PLPPR1: variants seen among roughly 807,000 people sequenced by gnomAD.
The protein encoded by PLPPR1 is phospholipid phosphatase-related protein type 1.
A neutral mutation model predicts 33.1 loss-of-function variants in PLPPR1; 10 were observed. The observed-to-expected ratio is 0.30, with a 90% CI of 0.19 to 0.51. The LOEUF is 0.51. Ranked by LOEUF, PLPPR1 falls within the 20% of genes least tolerant of loss-of-function variation. The pLI, the probability that PLPPR1 is intolerant of heterozygous loss-of-function variation, is 0.97. For missense variants in PLPPR1, 304 were observed against 408.1 expected, an observed-to-expected ratio of 0.74 and a Z score of 2.20; for synonymous variants, 151 against 151.0, an observed-to-expected ratio of 1.00 and a Z score of 0.00.
intron 1 of PLPPR1, among the ~76,000 whole-genome samples, chr9:101,134,148 G>A (rs1372400657): frequency 1.3e-5 from 2 of 152,170 alleles, no homozygotes; most frequent in Non-Finnish European, 2.9e-5. Context: ...TTGTTCTACT[G>A]TATAAAGATG....
chr9:101,085,508 AT>A lies in PLPPR1; in HGVS notation c.-46+56407del, dbSNP rs1830665040. Among the ~76,000 whole-genome samples the A allele has an allele frequency of 2.0e-5, 3 of 152,218 alleles. No homozygotes were observed. The South Asian group carries it at 6.2e-4, about 32-fold the overall frequency. ...ACATGGCCAGATGGGGCAATTTATA[AT>A]CATAATCCTAAACATAGAGGCATGA... is the stretch of plus-strand genomic sequence containing the variant. On this transcript the variant is annotated intron_variant, in intron 1 of 7. Transcript: ENST00000374874.
chr9:101,231,103 T>C (rs959395019), intron 2 of PLPPR1, among the ~76,000 whole-genome samples: 1 of 151,966 alleles, frequency 6.6e-6, no homozygotes, highest in Non-Finnish European at 1.5e-5. Context: ...TGTCCAAGCT[T>C]ACACAGCCAT....
chr9:101,173,667 G>C (rs1282448575), intron 1 of PLPPR1, among the ~76,000 whole-genome samples: 1 of 152,078 alleles, frequency 6.6e-6, no homozygotes, highest in Non-Finnish European at 1.5e-5. Flanking sequence ...TTCTTCACCA[G>C]CTCAAAAATT....
intron 4 of PLPPR1, among the ~76,000 whole-genome samples, chr9:101,300,390 G>A (rs987557799): frequency 6.6e-5 from 10 of 152,134 alleles, no homozygotes; most frequent in Admixed American, 5.2e-4. Flanking sequence ...TGTTGCCGAG[G>A]TTGGTCTCGA....
At chr9:101,095,953 G>A (rs941609406) in intron 1 of PLPPR1, among the ~76,000 whole-genome samples, 5 of 152,268 alleles carry the variant, frequency 3.3e-5, no homozygotes, top group African/African-American at 1.2e-4. Context: ...AAGCTTCCCT[G>A]AAATGAATGA....
intron 2 of PLPPR1, among the ~76,000 whole-genome samples, chr9:101,208,059 G>A (rs1343256039): frequency 6.6e-6 from 1 of 152,152 alleles, no homozygotes; most frequent in African/African-American, 2.4e-5. Context: ...TAAAGCTGGG[G>A]TGCAGCTCCC....
At chr9:101,214,081 G>A (rs1826738335) in intron 2 of PLPPR1, among the ~76,000 whole-genome samples, 3 of 152,292 alleles carry the variant, frequency 2.0e-5, no homozygotes, top group Admixed American at 2.0e-4. Flanking sequence ...TGTATAAAGA[G>A]ATGGATGAGG....
At chr9:101,037,748 A>G (rs1009850867) in intron 1 of PLPPR1, among the ~76,000 whole-genome samples, 1 of 151,982 alleles carries the variant, frequency 6.6e-6, no homozygotes, top group Non-Finnish European at 1.5e-5. Context: ...AGACCTTTTC[A>G]TTCACACTTG....
At chr9:101,051,877 A>G (rs1164415480) in intron 1 of PLPPR1, among the ~76,000 whole-genome samples, 2 of 152,174 alleles carry the variant, frequency 1.3e-5, no homozygotes, top group African/African-American at 4.8e-5. Flanking sequence ...TTGCCTACAT[A>G]TAGTTTTCTT....
At chr9:101,096,289 T>C (rs1410683354) in intron 1 of PLPPR1, among the ~76,000 whole-genome samples, 8 of 152,160 alleles carry the variant, frequency 5.3e-5, no homozygotes, top group African/African-American at 1.7e-4. Flanking sequence ...AATAACATAA[T>C]CACAGTGGGA....
intron 1 of PLPPR1, among the ~76,000 whole-genome samples, chr9:101,117,789 G>A (rs1831133764): frequency 6.6e-6 from 1 of 152,142 alleles, no homozygotes; most frequent in Non-Finnish European, 1.5e-5. Flanking sequence ...AAAGGCAATT[G>A]TGAAGATCAA....
At chr9:101,081,073 A>G (rs1189347154) in intron 1 of PLPPR1, among the ~76,000 whole-genome samples, 1 of 152,022 alleles carries the variant, frequency 6.6e-6, no homozygotes, top group Non-Finnish European at 1.5e-5. Flanking sequence ...GTTGTCACCC[A>G]TCCTTCCATT....
chr9:101,292,582 C>A (rs1210079861), intron 4 of PLPPR1, among the ~76,000 whole-genome samples: 1 of 145,784 alleles, frequency 6.9e-6, no homozygotes, highest in Admixed American at 7.2e-5. Context: ...ATCAGACTAA[C>A]AGCGGATCTC....
At chr9:101,128,695 G>C (rs1831277429) in intron 1 of PLPPR1, among the ~76,000 whole-genome samples, 1 of 152,188 alleles carries the variant, frequency 6.6e-6, no homozygotes, top group African/African-American at 2.4e-5. Context: ...CATGTAATCT[G>C]CAGGGTTGAC....
At chr9:101,235,196 G>A (rs1004616168) in intron 2 of PLPPR1, among the ~76,000 whole-genome samples, 1 of 151,742 alleles carries the variant, frequency 6.6e-6, no homozygotes, top group African/African-American at 2.4e-5. Flanking sequence ...TTCCACATTT[G>A]CATATTTTAC....
chr9:101,259,120 C>A (rs772277836), intron 2 of PLPPR1, among the ~76,000 whole-genome samples: 100 of 152,068 alleles, frequency 6.6e-4, no homozygotes, highest in Non-Finnish European at 1.0e-3. Flanking sequence ...TATCATCCAC[C>A]TATAAACAAC....
intron 2 of PLPPR1, among the ~76,000 whole-genome samples, chr9:101,201,677 AAG>A (rs1158986053): frequency 3.9e-5 from 6 of 152,228 alleles, no homozygotes; most frequent in Non-Finnish European, 8.8e-5. Flanking sequence ...ATTAGCTTAC[AAG>A]ACAATCCAGC....
At chr9:101,245,214 A>C (rs1476969971) in intron 2 of PLPPR1, among the ~76,000 whole-genome samples, 1 of 152,060 alleles carries the variant, frequency 6.6e-6, no homozygotes, top group Non-Finnish European at 1.5e-5. Flanking sequence ...AGACATGATC[A>C]AGATAATTCA....
chr9:101,258,780 C>G (rs932734476), intron 2 of PLPPR1, among the ~76,000 whole-genome samples: 1 of 152,110 alleles, frequency 6.6e-6, no homozygotes, highest in African/African-American at 2.4e-5. Flanking sequence ...GGCTCGAGTT[C>G]TATGCCTTTT....
Sources: gnomAD v4.1 joint callset for allele counts (sites outside exome capture counted in the v4.1 genomes callset) on GRCh38, gnomAD v4.1.1 for gene constraint, MANE v1.5 for transcripts, NCBI Gene and HGNC (gene_info 2026-07-23, HGNC 2026-07-21) for gene names.